Variants in GANAB observed in about 807,000 individuals in gnomAD.
GANAB encodes glucosidase II alpha subunit, also known as neutral alpha-glucosidase AB.
A neutral mutation model predicts 129.9 loss-of-function variants in GANAB; 35 were observed. The ratio of observed to expected loss-of-function variants is 0.27; its 90% CI spans 0.21 to 0.36. GANAB has a LOEUF of 0.36. Among genes scored for constraint, GANAB ranks in the 10% least tolerant of loss-of-function variants. GANAB has a pLI of 1.00. For missense variants in GANAB, 939 were observed against 1,221.0 expected (o/e 0.77, Z 3.44); for synonymous variants, 482 against 451.8 (o/e 1.07, Z -0.85).
intron 4 of GANAB, among the ~76,000 whole-genome samples, chr11:62,638,181 TCTCA>T (rs1224305354): frequency 6.6e-6 from 1 of 151,834 alleles, no homozygotes; most frequent in Non-Finnish European, 1.5e-5. Flanking sequence ...TGAGACGGAG[TCTCA>T]CTCTGTCGCC....
Position 62,633,216 on chromosome 11 carries a change from G to A in GANAB, c.686C>T (p.Thr229Ile), listed in dbSNP as rs1943773814. ...CTTGCTGTCAGAGTGAGTTTTGAAT[G>A]TCTCCTCCCAGGCTCCTGGCTCATC... ...EKDEPGAWEETFKTHSDSKPY... is the reference protein window; with the variant it reads ...EKDEPGAWEEIFKTHSDSKPY... Residue 229 changes from threonine (T) to isoleucine (I), a missense_variant, in exon 7 of 24, where the codon ACA becomes ATA. By Grantham distance (89) the Thr-to-Ile change is moderately conservative. Transcript: ENST00000356638. The A allele has an allele frequency of 1.2e-6, 2 of 1,614,046 alleles. No homozygotes were observed. Among genetic ancestry groups the A allele is most frequent in the East Asian group, 2.2e-5 (1 of 44,886 alleles).
At chr11:62,626,219 G>T in intron 22 of GANAB, 54 bp from the exon 23 acceptor site, 1 of 1,406,816 alleles carries the variant, frequency 7.1e-7, no homozygotes, top group Non-Finnish European at 1.0e-6. Flanking sequence ...AGAACAGAAG[G>T]AAGGAGGAGA....
At chr11:62,643,691 C>T (rs1944360501) in intron 1 of GANAB, among the ~76,000 whole-genome samples, 1 of 152,070 alleles carries the variant, frequency 6.6e-6, no homozygotes. Flanking sequence ...TGGCACATGC[C>T]TATAATCCCA....
rs2134469442 is a variant in GANAB, at chr11:62,628,928, C to T, written c.2021G>A (p.Arg674Gln). The change falls in exon 17 of 24, where the codon CGG becomes CAG. Residue 674 changes from arginine (R) to glutamine (Q), a missense_variant. This residue lies in a region of GANAB where 147 missense variants were observed against 282.4 expected (regional missense o/e 0.52). Transcript: ENST00000356638. ...YQMGAYQPFFRAHAHLDTGRR... is the reference protein window; with the variant it reads ...YQMGAYQPFFQAHAHLDTGRR... ...CCCAGTGTCCAAGTGGGCATGTGCC[C>T]GGAAGAATGGCTGGTAAGCACCCAT... 4 of 1,614,110 alleles carry T rather than the reference C, an allele frequency of 2.5e-6. No individual in the cohort carries two copies. Among genetic ancestry groups the T allele is most frequent in the Non-Finnish European group, 3.4e-6 (4 of 1,180,010 alleles).
rs374003721 is a variant in GANAB at position 62,625,668 on chromosome 11, T to C, written c.*147A>G. 1 of 646,090 alleles carries C rather than the reference T, an allele frequency of 1.5e-6. No individual in the cohort carries two copies. The highest frequency in any genetic ancestry group is 1.8e-5 in the South Asian group (1 of 56,134). 40.0% of individuals were successfully genotyped at this position (646,090 alleles called of 1,614,324 possible). A position where few individuals can be genotyped will look rare whatever the true frequency, so the allele number is the denominator to read the frequency against. ...GGAATTTGGAGCCCAGGGTCAGCCC[T>C]CTCATCCTGCCCAAATGTTGGCAGA... On this transcript the variant is annotated 3_prime_UTR_variant, in exon 24 of 24. Transcript: ENST00000356638.
Position 62,631,034 on chromosome 11 carries a change from G to A in GANAB, c.1146C>T (p.Leu382=), listed in dbSNP as rs775287605. The A allele has an allele frequency of 1.9e-6, 3 of 1,597,694 alleles. No individual in the cohort carries two copies. Among genetic ancestry groups the A allele is most frequent in the African/African-American group, 1.3e-5 (1 of 74,794 alleles). ...GAGGCAGGGAAAACCATGTACCTGT[G>A]AGACTAGCATATTGCCGGAAAACAT... ...ISDVFRQYAS[L]TGTQALPPLF... The change falls in exon 10 of 24, where the codon CTC becomes CTT. Residue 382 remains leucine (L), a synonymous_variant. Transcript: ENST00000356638.
rs749410928 is a variant in GANAB at position 62,626,638 on chromosome 11, C to T, written c.2444G>A (p.Arg815Gln). ...CATACATTCTGAAGACCGCCGCACTCGCATCCATCGAGGCACGATTGTCCC... is the reference window on the plus strand; with the variant it reads ...CATACATTCTGAAGACCGCCGCACTTGCATCCATCGAGGCACGATTGTCCC... ...RGGTIVPRWM[R>Q]VRRSSECMKD... Residue 815 changes from arginine (R) to glutamine (Q), a missense_variant, in exon 21 of 24, where the codon CGA becomes CAA. Physicochemically the swap from Arg to Gln is conservative, Grantham distance 43. This residue lies in a region of GANAB where 230 missense variants were observed against 259.9 expected (regional missense o/e 0.89). Coordinates refer to ENST00000356638, the MANE Select transcript of GANAB (RefSeq NM_198334.3). 14 of 1,611,926 alleles carry T rather than the reference C, an allele frequency of 8.7e-6. No individual in the cohort carries two copies. The highest frequency in any genetic ancestry group is 5.0e-5 in the Admixed American group (3 of 59,806).
rs368377884 is a variant in GANAB, at chr11:62,634,995, G to A, written c.386C>T (p.Ser129Phe). Residue 129 changes from serine to phenylalanine, a missense_variant, in exon 5 of 24, where the codon TCT becomes TTT. By Grantham distance (155) the Ser-to-Phe change is radical. Coordinates refer to ENST00000356638, the MANE Select transcript of GANAB (RefSeq NM_198334.3). ...ACTGTTCTCATCACGACCAGAGACA[G>A]AAAGCCTGGGAAACATATCAAAAGA... ...LVADPPIARL[S>F]VSGRDENSVE... The A allele has an allele frequency of 1.5e-5, 24 of 1,607,654 alleles. No homozygotes were observed. The highest frequency in any genetic ancestry group is 2.0e-5 in the Non-Finnish European group (24 of 1,174,928).
intron 4 of GANAB, among the ~76,000 whole-genome samples, chr11:62,635,695 G>A (rs1943913646): frequency 1.3e-5 from 2 of 150,088 alleles, no homozygotes; most frequent in South Asian, 4.2e-4. Context: ...GCACAACCTT[G>A]GCTCACTGCA....
At chr11:62,633,583 G>T in intron 5 of GANAB, 69 bp from the exon 6 acceptor site, 5 of 1,371,916 alleles carry the variant, frequency 3.6e-6, no homozygotes, top group Non-Finnish European at 5.2e-6. Context: ...GGAAGGAGGG[G>T]TTGGGGAATA....
chr11:62,640,788 A>G, intron 1 of GANAB, among the ~76,000 whole-genome samples: 1 of 122,560 alleles, frequency 8.2e-6, no homozygotes, highest in Middle Eastern at 7.4e-3. Flanking sequence ...AGCTGAGATC[A>G]CTCCACTGCA....
At chr11:62,634,186 C>A in intron 5 of GANAB, 1 of 696,762 alleles carries the variant, frequency 1.4e-6, no homozygotes, top group South Asian at 1.7e-5. Context: ...CCAGACATCA[C>A]ACAGCAGGGG....
rs10629748 is a variant in GANAB at position 62,641,341 on chromosome 11, G to GAAAAA, written c.39-1615_39-1611dup. 2.7e-5 allele frequency among the ~76,000 whole-genome samples: 3 copies of GAAAAA among 109,948 alleles called. 1 individual carries two copies. The highest frequency in any genetic ancestry group is 7.1e-5 in the African/African-American group (2 of 28,248). The allele number at this position is 109,948 out of a possible 152,430, so 72.1% of individuals were successfully genotyped here. Reference sequence around the variant, plus strand: ...CCTAGGTGATGGAGCAAAACTCTCAGAAAAAAAAAAAAAAAAAAGATGTAC... The same window carrying GAAAAA: ...CCTAGGTGATGGAGCAAAACTCTCAGAAAAAAAAAAAAAAAAAAAAAAAGATGTAC... On this transcript the variant is annotated intron_variant, in intron 1 of 23. Coordinates refer to ENST00000356638, the MANE Select transcript of GANAB (RefSeq NM_198334.3).
Position 62,641,060 on chromosome 11 carries a change from C to T in GANAB, c.39-1329G>A, listed in dbSNP as rs556613493. ...AAGTTAAAGAGCTAAACATGAAGGC[C>T]GGGCGCAGTGGCTCATGTCACGTCT... On this transcript the variant is annotated intron_variant, in intron 1 of 23. Transcript: ENST00000356638. Among the ~76,000 whole-genome samples the T allele has an allele frequency of 1.5e-3, 228 of 151,900 alleles. 1 individual carries two copies. Among genetic ancestry groups the T allele is most frequent in the Non-Finnish European group, 1.6e-3 (112 of 67,926 alleles).
chr11:62,640,272 G>A lies in GANAB; in HGVS notation c.39-541C>T, dbSNP rs1415829960. Reference sequence around the variant, plus strand: ...AAAAAAGCCAGGCGCGGTGGCTCACGCCTGTAATCCCAGCACTCTGGGAGG... The same window carrying A: ...AAAAAAGCCAGGCGCGGTGGCTCACACCTGTAATCCCAGCACTCTGGGAGG... On this transcript the variant is annotated intron_variant, in intron 1 of 23. Coordinates refer to ENST00000356638, the MANE Select transcript of GANAB (RefSeq NM_198334.3). Among the ~76,000 whole-genome samples the A allele has an allele frequency of 2.4e-5, 3 of 125,144 alleles. No individual in the cohort carries two copies. In the Admixed American group the frequency reaches 2.6e-4, roughly 11 times the overall value. The allele number at this position is 125,144 out of a possible 152,430, so 82.1% of individuals were successfully genotyped here.
Position 62,628,733 on chromosome 11 carries a change from T to C in GANAB, c.2180+36A>G, listed in dbSNP as rs1943520056. 5.6e-6 allele frequency: 9 copies of C among 1,604,170 alleles called. No homozygotes were observed. The East Asian group carries it at 2.0e-4, about 36-fold the overall frequency. Reference sequence around the variant, plus strand: ...CCAGTCCCTAATACCCCCAGCCACCTCAGCCCACTCTTCACAGCCCAAGTG... The same window carrying C: ...CCAGTCCCTAATACCCCCAGCCACCCCAGCCCACTCTTCACAGCCCAAGTG... On this transcript the variant is annotated intron_variant, in intron 17 of 23. Coordinates refer to ENST00000356638, the MANE Select transcript of GANAB (RefSeq NM_198334.3).
intron 15 of GANAB, 94 bp from the exon 16 acceptor site, chr11:62,629,389 C>A (rs768662737): frequency 5.1e-5 from 49 of 957,776 alleles, no homozygotes; most frequent in Non-Finnish European, 6.6e-5. Flanking sequence ...GTCCCCAGAA[C>A]CCTGCTGAAG....
At position 62,627,059 on chromosome 11, in the gene GANAB, C is replaced by G. The variant is rs756597402; in HGVS notation, c.2311G>C (p.Gly771Arg). 6.2e-7 allele frequency: 1 copy of G among 1,613,674 alleles called. No homozygotes were observed. The highest frequency in any genetic ancestry group is 8.5e-7 in the Non-Finnish European group (1 of 1,179,598). The change falls in exon 19 of 24, where the codon GGC (glycine) becomes CGC (arginine). Residue 771 changes from glycine (G) to arginine (R), a missense_variant. This residue lies in a region of GANAB where 230 missense variants were observed against 259.9 expected (regional missense o/e 0.89). Coordinates refer to ENST00000356638, the MANE Select transcript of GANAB (RefSeq NM_198334.3). Reference sequence around the variant, plus strand: ...CTTCCTTAACTCACCTCCCCTTGGCCAGGCAGATAGACCTGGACACCATGG... The same window carrying G: ...CTTCCTTAACTCACCTCCCCTTGGCGAGGCAGATAGACCTGGACACCATGG... The part of the protein sequence containing the change: ...GAHGVQVYLP[G>R]QGEVWYDIQS...
intron 9 of GANAB, 86 bp downstream of exon 9, chr11:62,632,479 C>A (rs1943734088): frequency 9.4e-7 from 1 of 1,065,368 alleles, no homozygotes; most frequent in Non-Finnish European, 1.4e-6. Flanking sequence ...ACCCAGTCCC[C>A]AAATAGCTAA....
Sources: allele counts gnomAD v4.1 joint callset (sites outside exome capture counted in the v4.1 genomes callset), GRCh38; gene constraint gnomAD v4.1.1; regional missense constraint gnomAD v4.1.1; transcripts MANE v1.5; gene names NCBI Gene and HGNC (gene_info 2026-07-23, HGNC 2026-07-21).